The following ATP6V0D2 variants were observed in gnomAD, a reference collection of about 807,000 sequenced individuals.
ATP6V0D2 encodes ATPase H+ transporting V0 subunit d2.
Under a neutral mutation model 40.0 loss-of-function variants are expected in ATP6V0D2, and 40 were observed. That is an observed-to-expected ratio of 1.00 (90% CI 0.78 to 1.30). The LOEUF (loss-of-function observed/expected upper bound fraction) is 1.30, where lower values mean the gene tolerates loss of function less well. ATP6V0D2 is among the 50% of genes most tolerant of loss of function. The pLI is 0.00. For missense variants in ATP6V0D2, 470 were observed against 423.1 expected (o/e 1.11, Z -0.97); for synonymous variants, 179 against 156.3 (o/e 1.15, Z -1.08).
chr8:86,153,059 T>TAA lies in ATP6V0D2; in HGVS notation c.*83_*84insAA. ...GAAAATAAAAGAAATTATGTTATAT[T>TAA]ATCTAGACTACACAAAAGTAAGCCA... On this transcript the variant is annotated 3_prime_UTR_variant, in exon 8 of 8. Transcript: ENST00000285393. The TAA allele has an allele frequency of 8.1e-7, 1 of 1,234,706 alleles. No homozygotes were observed. Among genetic ancestry groups the TAA allele is most frequent in the Non-Finnish European group, 1.1e-6 (1 of 920,102 alleles). The allele number at this position is 1,234,706 out of a possible 1,614,324, so 76.5% of individuals were successfully genotyped here.
At chr8:86,113,659 T>C (rs751057085) in intron 1 of ATP6V0D2, 50 bp from the exon 2 acceptor site, 1 of 1,492,514 alleles carries the variant, frequency 6.7e-7, no homozygotes, top group Non-Finnish European at 9.1e-7. Flanking sequence ...GAAAAAGCTA[T>C]TTGTGTATGT....
rs116999825 is a variant in ATP6V0D2, at chr8:86,112,310, A to G, written c.131-1399A>G. On this transcript the variant is annotated intron_variant, in intron 1 of 7. Coordinates refer to ENST00000285393, the MANE Select transcript of ATP6V0D2 (RefSeq NM_152565.1). Reference sequence around the variant, plus strand: ...TGAGATAATTAAATCTTTACAGAACAAGTGATAATCTAATTGAATTAGTTG... The same window carrying G: ...TGAGATAATTAAATCTTTACAGAACGAGTGATAATCTAATTGAATTAGTTG... 4.6e-4 allele frequency among the ~76,000 whole-genome samples: 70 copies of G among 152,338 alleles called. 1 individual carries two copies. The East Asian group carries it at 0.013, about 27-fold the overall frequency.
At chr8:86,113,668 G>T in intron 1 of ATP6V0D2, 41 bp from the exon 2 acceptor site, 1 of 1,539,256 alleles carries the variant, frequency 6.5e-7, no homozygotes, top group Non-Finnish European at 8.8e-7. Context: ...ATTTGTGTAT[G>T]TTCAAAATTT....
chr8:86,114,407 C>T (rs371100920), intron 2 of ATP6V0D2, among the ~76,000 whole-genome samples: 22 of 152,356 alleles, frequency 1.4e-4, no homozygotes, highest in African/African-American at 5.3e-4. Flanking sequence ...AGCTGCGGCT[C>T]ATGCCTGTAA....
chr8:86,120,800 A>G (rs892980001), intron 2 of ATP6V0D2, among the ~76,000 whole-genome samples: 1 of 152,244 alleles, frequency 6.6e-6, no homozygotes, highest in Non-Finnish European at 1.5e-5. Context: ...GGTAAGAGAC[A>G]TGGAAGGGAT....
intron 1 of ATP6V0D2, among the ~76,000 whole-genome samples, chr8:86,110,117 G>C (rs537781606): frequency 3.2e-4 from 49 of 152,206 alleles, no homozygotes; most frequent in African/African-American, 1.1e-3. Context: ...TTTTGAGACA[G>C]AGTCTGTCAT....
At chr8:86,114,453 C>T (rs910171987) in intron 2 of ATP6V0D2, among the ~76,000 whole-genome samples, 5 of 152,052 alleles carry the variant, frequency 3.3e-5, no homozygotes, top group Admixed American at 6.6e-5. Context: ...GGGTGGATCA[C>T]GAGGTCAGGA....
Position 86,152,988 on chromosome 8 carries a change from G to T in ATP6V0D2, c.*11G>T, listed in dbSNP as rs770735466. The T allele has an allele frequency of 4.5e-6, 7 of 1,559,446 alleles. No homozygotes were observed. The African/African-American group carries it at 9.7e-5, about 22-fold the overall frequency. Reference sequence around the variant, plus strand: ...ATTCCAATTTTATAACCCAAGTAAGGTTCTCAAATGTAGAAAATTATAAAT... The same window carrying T: ...ATTCCAATTTTATAACCCAAGTAAGTTTCTCAAATGTAGAAAATTATAAAT... On this transcript the variant is annotated 3_prime_UTR_variant, in exon 8 of 8. Coordinates refer to ENST00000285393, the MANE Select transcript of ATP6V0D2 (RefSeq NM_152565.1).
chr8:86,150,332 A>G (rs1333361664), intron 6 of ATP6V0D2, 44 bp downstream of exon 6: 17 of 1,571,190 alleles, frequency 1.1e-5, no homozygotes, highest in African/African-American at 2.7e-5. Context: ...GTGTTCATTC[A>G]TTTCCATGTG....
rs544937083 is a variant in ATP6V0D2, at chr8:86,101,534, C to T, written c.130+2426C>T. Among the ~76,000 whole-genome samples, 8 of 151,156 alleles carry T rather than the reference C, an allele frequency of 5.3e-5. No individual in the cohort carries two copies. The East Asian group carries it at 9.7e-4, about 18-fold the overall frequency. On this transcript the variant is annotated intron_variant, in intron 1 of 7. Transcript: ENST00000285393. ...AAAATCAGGAATTTAAAAATTGTAC[C>T]CTATATTTTCTGCCAAGGTCCCTTT...
At chr8:86,136,912 C>T (rs976949399) in intron 2 of ATP6V0D2, among the ~76,000 whole-genome samples, 31 of 152,270 alleles carry the variant, frequency 2.0e-4, no homozygotes, top group African/African-American at 7.5e-4. Flanking sequence ...TGCATTGTCC[C>T]TTCCTCCTTC....
intron 3 of ATP6V0D2, 123 bp downstream of exon 3, chr8:86,139,758 C>G: frequency 9.4e-7 from 1 of 1,059,242 alleles, no homozygotes; most frequent in Non-Finnish European, 1.3e-6. Context: ...AATTTTTTTC[C>G]ATGAATACAG....
intron 2 of ATP6V0D2, among the ~76,000 whole-genome samples, chr8:86,138,759 C>T (rs995793267): frequency 6.6e-6 from 1 of 152,134 alleles, no homozygotes; most frequent in African/African-American, 2.4e-5. Context: ...GAGTAAGATG[C>T]TCCAGCTCTG....
At chr8:86,142,385 G>T (rs956878920) in intron 4 of ATP6V0D2, among the ~76,000 whole-genome samples, 1 of 152,190 alleles carries the variant, frequency 6.6e-6, no homozygotes, top group Admixed American at 6.5e-5. Context: ...GAGAGCCAAG[G>T]TTTCTTTGGA....
chr8:86,140,123 A>C (rs2721255), intron 3 of ATP6V0D2, among the ~76,000 whole-genome samples: 67,690 of 152,008 alleles, frequency 0.45, 16,450 homozygotes, highest in Middle Eastern at 0.61. Flanking sequence ...GAGATGCTCA[A>C]GAGTATCTGT....
chr8:86,127,393 T>G (rs952155422), intron 2 of ATP6V0D2, among the ~76,000 whole-genome samples: 1 of 152,134 alleles, frequency 6.6e-6, no homozygotes, highest in African/African-American at 2.4e-5. Context: ...ATGAAACTCG[T>G]AAATGAAAGG....
chr8:86,122,405 A>G (rs903898717), intron 2 of ATP6V0D2, among the ~76,000 whole-genome samples: 1 of 152,214 alleles, frequency 6.6e-6, no homozygotes, highest in African/African-American at 2.4e-5. Flanking sequence ...AAATATCCCA[A>G]TGACACATAA....
intron 1 of ATP6V0D2, among the ~76,000 whole-genome samples, 194 bp from the exon 2 acceptor site, chr8:86,113,515 G>C (rs1394271915): frequency 6.6e-6 from 1 of 152,002 alleles, no homozygotes; most frequent in Non-Finnish European, 1.5e-5. Context: ...CTGGTGTGCT[G>C]GATTATCCAT....
chr8:86,109,336 A>C (rs1818506370), intron 1 of ATP6V0D2, among the ~76,000 whole-genome samples: 1 of 152,210 alleles, frequency 6.6e-6, no homozygotes, highest in Non-Finnish European at 1.5e-5. Context: ...GAAAAGTATA[A>C]AACTATGAGT....
Sources: gnomAD v4.1 joint callset for allele counts (sites outside exome capture counted in the v4.1 genomes callset) on GRCh38, gnomAD v4.1.1 for gene constraint, MANE v1.5 for transcripts, NCBI Gene and HGNC (gene_info 2026-07-23, HGNC 2026-07-21) for gene names.